The following AASS variants were observed in gnomAD, a reference collection of about 807,000 sequenced individuals.
The protein encoded by AASS is aminoadipate-semialdehyde synthase.
Under a neutral mutation model 105.4 loss-of-function variants are expected in AASS, and 86 were observed. The observed-to-expected ratio is 0.82, with a 90% CI of 0.69 to 0.98. The LOEUF (loss-of-function observed/expected upper bound fraction) is 0.98, where lower values mean the gene tolerates loss of function less well. Among genes scored for constraint, AASS ranks in the 50% least tolerant of loss-of-function variants. AASS has a pLI of 0.00. For synonymous variants in AASS, 381 were observed against 394.8 expected, an observed-to-expected ratio of 0.96 and a Z score of 0.41; for missense variants, 1,048 against 1,143.2, an observed-to-expected ratio of 0.92 and a Z score of 1.20.
chr7:122,143,990 C>T (rs1314668746), intron 1 of AASS, among the ~76,000 whole-genome samples, 171 bp downstream of exon 1: 3 of 152,200 alleles, frequency 2.0e-5, no homozygotes, highest in Non-Finnish European at 2.9e-5. Context: ...GCCGCCTTCT[C>T]CCTCTCTCGG....
chr7:122,090,610 T>C (rs964034485), intron 18 of AASS, among the ~76,000 whole-genome samples: 1 of 152,162 alleles, frequency 6.6e-6, no homozygotes, highest in African/African-American at 2.4e-5. Flanking sequence ...TGTGATCATA[T>C]TACTCATCAC....
At chr7:122,088,099 A>G (rs1793714591) in intron 18 of AASS, among the ~76,000 whole-genome samples, 1 of 152,192 alleles carries the variant, frequency 6.6e-6, no homozygotes. Context: ...GAATGACAAC[A>G]GAAACATATT....
At position 122,086,090 on chromosome 7, in the gene AASS, G is replaced by A; in HGVS notation, c.2106C>T (p.Asn702=). Reference sequence around the variant, plus strand: ...TCTCAGCATATTTCGTACTGTCTCTGTTAGGATAGCCTTCCAAATTTAATC... The same window carrying A: ...TCTCAGCATATTTCGTACTGTCTCTATTAGGATAGCCTTCCAAATTTAATC... ...FPGLNLEGYP[N]RDSTKYAEIY... is the part of the protein sequence containing the mutation. Residue 702 remains asparagine, a synonymous_variant, in exon 19 of 24, where the codon AAC becomes AAT. Coordinates refer to ENST00000417368, the MANE Select transcript of AASS (RefSeq NM_005763.4). 1 of 1,613,536 alleles carries A rather than the reference G, an allele frequency of 6.2e-7. No individual in the cohort carries two copies. Among genetic ancestry groups the A allele is most frequent in the Non-Finnish European group, 8.5e-7 (1 of 1,179,768 alleles).
At chr7:122,132,978 A>G (rs1247986124) in intron 2 of AASS, among the ~76,000 whole-genome samples, 1 of 152,214 alleles carries the variant, frequency 6.6e-6, no homozygotes, top group Non-Finnish European at 1.5e-5. Flanking sequence ...ATGAATTATT[A>G]ATTTCTTAGG....
intron 13 of AASS, among the ~76,000 whole-genome samples, 159 bp downstream of exon 13, chr7:122,101,212 C>T (rs1794414770): frequency 6.6e-6 from 1 of 151,814 alleles, no homozygotes; most frequent in Non-Finnish European, 1.5e-5. Flanking sequence ...TGGTTTCAGC[C>T]AGCCACTTAG....
At chr7:122,083,388 A>G (rs1793470583) in intron 19 of AASS, among the ~76,000 whole-genome samples, 1 of 152,152 alleles carries the variant, frequency 6.6e-6, no homozygotes, top group Admixed American at 6.6e-5. Context: ...TCTCAGAAAT[A>G]TATTTTTATG....
At chr7:122,082,334 A>C (rs928015444) in intron 19 of AASS, among the ~76,000 whole-genome samples, 8 of 152,170 alleles carry the variant, frequency 5.3e-5, no homozygotes, top group Admixed American at 4.6e-4. Context: ...TCCAGAAACC[A>C]GGGCCTCTGT....
In AASS at chr7:122,086,058, C is replaced by A; in HGVS notation, c.2138G>T (p.Gly713Val). The A allele has an allele frequency of 6.2e-7, 1 of 1,613,542 alleles. No individual in the cohort carries two copies. The highest frequency in any genetic ancestry group is 8.5e-7 in the Non-Finnish European group (1 of 1,179,748). The change falls in exon 19 of 24, where the codon GGC becomes GTC. Residue 713 changes from glycine (G) to valine (V), a missense_variant. By Grantham distance (109) the Gly-to-Val change is moderately radical. Transcript: ENST00000417368. ...RDSTKYAEIY[G>V]ISSAHTLLRG... ...CAACAAAGTGTGAGCAGAAGAAATG[C>A]CATAAATCTCAGCATATTTCGTACT...
In AASS at chr7:122,106,724, T is replaced by G. The variant is rs59987971; in HGVS notation, c.1279-5044A>C. Among the ~76,000 whole-genome samples, 650 of 152,164 alleles carry G rather than the reference T, an allele frequency of 4.3e-3. 7 individuals are homozygous for G. Among genetic ancestry groups the G allele is most frequent in the African/African-American group, 0.015 (620 of 41,524 alleles). ...CTATATGCAGAAGATTAAAACTGGA[T>G]CACTTCCTTACAGCATATAAAATGG... On this transcript the variant is annotated intron_variant, in intron 11 of 23. Coordinates refer to ENST00000417368, the MANE Select transcript of AASS (RefSeq NM_005763.4).
At chr7:122,132,958 A>G (rs182109287) in intron 2 of AASS, among the ~76,000 whole-genome samples, 24 of 152,302 alleles carry the variant, frequency 1.6e-4, no homozygotes, top group Admixed American at 1.4e-3. Context: ...AGACTATATA[A>G]GATGATATTA....
At chr7:122,076,899 A>T (rs1793039646) in intron 23 of AASS, among the ~76,000 whole-genome samples, 1 of 152,212 alleles carries the variant, frequency 6.6e-6, no homozygotes, top group African/African-American at 2.4e-5. Flanking sequence ...AACAAAGTAA[A>T]GTAAGAAGTA....
intron 11 of AASS, 130 bp downstream of exon 11, chr7:122,112,988 T>C: frequency 1.3e-6 from 1 of 774,372 alleles, no homozygotes; most frequent in Non-Finnish European, 2.2e-6. Context: ...TCAGTAAGTA[T>C]TTCAGGGAAG....
At chr7:122,087,264 G>A (rs929294510) in intron 18 of AASS, among the ~76,000 whole-genome samples, 1 of 152,170 alleles carries the variant, frequency 6.6e-6, no homozygotes, top group Non-Finnish European at 1.5e-5. Flanking sequence ...TTGTATGAGA[G>A]AGAAAATGGA....
intron 4 of AASS, among the ~76,000 whole-genome samples, chr7:122,123,003 C>T (rs1049626529): frequency 2.6e-5 from 4 of 152,288 alleles, no homozygotes; most frequent in East Asian, 3.9e-4. Flanking sequence ...TAGCCACACA[C>T]TTCAGGGCAT....
At chr7:122,083,036 C>T in intron 19 of AASS, 1 of 395,956 alleles carries the variant, frequency 2.5e-6, no homozygotes, top group African/African-American at 2.8e-5. Context: ...GCAATTACTG[C>T]TCAAGCAGAG....
chr7:122,082,923 T>G (rs1435842723), intron 19 of AASS: 1 of 1,185,344 alleles, frequency 8.4e-7, no homozygotes, highest in Non-Finnish European at 1.1e-6. Flanking sequence ...GATAAATAGA[T>G]TCTGAATAAT....
At chr7:122,119,983 T>A (rs1000327887) in intron 4 of AASS, among the ~76,000 whole-genome samples, 1 of 152,210 alleles carries the variant, frequency 6.6e-6, no homozygotes. Context: ...AGCGGACTCA[T>A]GCAGTTCAAA....
At chr7:122,098,061 C>T (rs961423287) in intron 15 of AASS, among the ~76,000 whole-genome samples, 2 of 151,902 alleles carry the variant, frequency 1.3e-5, no homozygotes, top group Non-Finnish European at 2.9e-5. Flanking sequence ...GTAATCACAA[C>T]ATTGAATGGA....
chr7:122,143,122 C>A (rs2150562180), intron 1 of AASS, among the ~76,000 whole-genome samples: 1 of 152,038 alleles, frequency 6.6e-6, no homozygotes, highest in Non-Finnish European at 1.5e-5. Context: ...ACAGACAAAC[C>A]CAGAAACACC....
Sources: allele counts gnomAD v4.1 joint callset (sites outside exome capture counted in the v4.1 genomes callset), GRCh38; gene constraint gnomAD v4.1.1; transcripts MANE v1.5; gene names NCBI Gene and HGNC (gene_info 2026-07-23, HGNC 2026-07-21).